Variants in EDEM3 observed in about 807,000 individuals in gnomAD.
EDEM3 encodes ER degradation-enhancing alpha-mannosidase-like protein 3.
A neutral mutation model predicts 110.2 loss-of-function variants in EDEM3; 60 were observed. The observed-to-expected ratio is 0.54, with a 90% CI of 0.44 to 0.67. The LOEUF (loss-of-function observed/expected upper bound fraction) is 0.67. Among genes scored for constraint, EDEM3 ranks in the 30% least tolerant of loss-of-function variants. The probability of loss-of-function intolerance (pLI) is 0.00; values close to 1 mark genes in which losing one functional copy is unlikely to be tolerated. For missense variants in EDEM3, 996 were observed against 1,121.0 expected (o/e 0.89, Z 1.59); for synonymous variants, 352 against 382.9 (o/e 0.92, Z 0.94).
chr1:184,754,742 C>G lies in EDEM3; in HGVS notation c.-96G>C. On this transcript the variant is annotated 5_prime_UTR_variant, in exon 1 of 20. Coordinates refer to ENST00000318130, the MANE Select transcript of EDEM3 (RefSeq NM_025191.4). ...CAGGGGGCTGCTAGCCGTGCCGAGA[C>G]GGGGCGGGATGCGGAGTAACACGGA... The G allele has an allele frequency of 2.1e-6, 3 of 1,418,382 alleles. No homozygotes were observed. The highest frequency in any genetic ancestry group is 2.7e-6 in the Non-Finnish European group (3 of 1,093,298). The allele number at this position is 1,418,382 out of a possible 1,614,324, so 87.9% of individuals were successfully genotyped here.
chr1:184,716,137 T>C (rs890280257), intron 13 of EDEM3, among the ~76,000 whole-genome samples: 1 of 152,154 alleles, frequency 6.6e-6, no homozygotes, highest in Non-Finnish European at 1.5e-5. Context: ...GTTTTAAAAG[T>C]CTGCTTATTG....
At chr1:184,716,453 T>C (rs1334589516) in intron 13 of EDEM3, among the ~76,000 whole-genome samples, 1 of 152,184 alleles carries the variant, frequency 6.6e-6, no homozygotes, top group African/African-American at 2.4e-5. Context: ...TTCCCACTCC[T>C]GCAAGTCAGC....
intron 8 of EDEM3, 129 bp from the exon 9 acceptor site, chr1:184,721,515 T>C (rs1650901469): frequency 3.6e-6 from 2 of 556,910 alleles, no homozygotes; most frequent in East Asian, 6.8e-5. Context: ...CAGTTTAGAT[T>C]TGCCCTGGAA....
intron 19 of EDEM3, among the ~76,000 whole-genome samples, chr1:184,694,843 A>G (rs1214502270): frequency 2.0e-5 from 3 of 152,092 alleles, no homozygotes; most frequent in Admixed American, 6.6e-5. Context: ...AAGCTTATGC[A>G]TAAGAACATA....
At position 184,719,514 on chromosome 1, in the gene EDEM3, G is replaced by C; in HGVS notation, c.1006C>G (p.His336Asp). 5 of 1,614,028 alleles carry C rather than the reference G, an allele frequency of 3.1e-6. No homozygotes were observed. Among genetic ancestry groups the C allele is most frequent in the Non-Finnish European group, 4.2e-6 (5 of 1,179,992 alleles). ...ISQPPLLLDV[H>D]IHKPMLNART... ...GCATTCAGCATTGGTTTGTGGATAT[G>C]CACATCAAGTAGAAGAGGTGGCTGG... Residue 336 changes from histidine to aspartate, a missense_variant, in exon 10 of 20, where the codon CAT becomes GAT. By Grantham distance (81) the His-to-Asp change is moderately conservative (BLOSUM62 -1). Coordinates refer to ENST00000318130, the MANE Select transcript of EDEM3 (RefSeq NM_025191.4).
chr1:184,702,842 T>TGTAG lies in EDEM3; in HGVS notation c.2357_2358insCTAC (p.Glu786AspfsTer7). ...CTTTTGCTTTATCAGAGAGGAGCACTTCTACCTCCTCATATTCCCGGATGG... is the reference window on the plus strand; with the variant it reads ...CTTTTGCTTTATCAGAGAGGAGCACTGTAGTCTACCTCCTCATATTCCCGGATGG... On this transcript the variant is annotated frameshift_variant, in exon 19 of 20. Transcript: ENST00000318130. LOFTEE classifies it high-confidence loss of function. The TGTAG allele has an allele frequency of 1.2e-6, 2 of 1,611,294 alleles. No homozygotes were observed. Among genetic ancestry groups the TGTAG allele is most frequent in the Non-Finnish European group, 1.7e-6 (2 of 1,178,998 alleles).
Position 184,754,586 on chromosome 1 carries a change from G to C in EDEM3, c.61C>G (p.Leu21Val), listed in dbSNP as rs1028624037. The C allele has an allele frequency of 1.2e-5, 19 of 1,611,818 alleles. No individual in the cohort carries two copies. The highest frequency in any genetic ancestry group is 6.7e-5 in the Admixed American group (4 of 59,814). Residue 21 changes from leucine to valine, a missense_variant, in exon 1 of 20, where the codon CTA (leucine) becomes GTA (valine). Leu to Val is a conservative substitution (Grantham distance 32, BLOSUM62 1). Coordinates refer to ENST00000318130, the MANE Select transcript of EDEM3 (RefSeq NM_025191.4). The part of the protein sequence containing the change: ...SPVPQRARWR[L>V]VAATAAFCLV... Reference sequence around the variant, plus strand: ...CAGAACGCGGCCGTCGCCGCCACTAGTCTCCATCGCGCTCGCTGGGGAACC... The same window carrying C: ...CAGAACGCGGCCGTCGCCGCCACTACTCTCCATCGCGCTCGCTGGGGAACC...
At chr1:184,747,713 A>T (rs1315623114) in intron 2 of EDEM3, among the ~76,000 whole-genome samples, 1 of 152,206 alleles carries the variant, frequency 6.6e-6, no homozygotes, top group Non-Finnish European at 1.5e-5. Context: ...TGTAGCAGAA[A>T]GTTACTCAGT....
rs202147564 is a variant in EDEM3, at chr1:184,726,242, G to A, written c.747+13C>T. On this transcript the variant is annotated intron_variant, in intron 7 of 19. Transcript: ENST00000318130. Reference sequence around the variant, plus strand: ...CCCAATACCCAGGATATCAAAGACCGTAAAAAGCAAACCTCAAATATTGTT... The same window carrying A: ...CCCAATACCCAGGATATCAAAGACCATAAAAAGCAAACCTCAAATATTGTT... 3.6e-4 allele frequency: 585 copies of A among 1,611,738 alleles called. 1 individual carries two copies. Among genetic ancestry groups the A allele is most frequent in the Non-Finnish European group, 4.5e-4 (536 of 1,178,640 alleles).
intron 19 of EDEM3, 22 bp from the exon 20 acceptor site, chr1:184,694,494 C>G: frequency 6.5e-7 from 1 of 1,542,560 alleles, no homozygotes; most frequent in Non-Finnish European, 8.7e-7. Flanking sequence ...AGAAACAAAC[C>G]TCATGCTACT....
At chr1:184,748,748 G>T (rs543884965) in intron 2 of EDEM3, among the ~76,000 whole-genome samples, 5 of 152,276 alleles carry the variant, frequency 3.3e-5, no homozygotes, top group African/African-American at 1.2e-4. Flanking sequence ...ATAAAAAATG[G>T]ATTCACAGAA....
chr1:184,737,433 A>C (rs1172587917), intron 3 of EDEM3, among the ~76,000 whole-genome samples, 178 bp downstream of exon 3: 1 of 152,278 alleles, frequency 6.6e-6, no homozygotes, highest in African/African-American at 2.4e-5. Flanking sequence ...TCCAAGATGT[A>C]AACTGATTAA....
intron 3 of EDEM3, 152 bp from the exon 4 acceptor site, chr1:184,737,216 A>C: frequency 3.1e-6 from 2 of 647,076 alleles, no homozygotes. Context: ...TAAGGCTCTG[A>C]AAGAAACTGA....
Position 184,693,818 on chromosome 1 carries a change from T to C in EDEM3, c.*245A>G, listed in dbSNP as rs1385983697. ...TTCCCTGGCCTGAGGTGTTGCAGGG[T>C]GGTGCAGTGCTGCATTTGAAGGGGG... is the stretch of plus-strand genomic sequence containing the variant. On this transcript the variant is annotated 3_prime_UTR_variant, in exon 20 of 20. Transcript: ENST00000318130. 4.8e-6 allele frequency: 2 copies of C among 418,262 alleles called. No homozygotes were observed. Among genetic ancestry groups the C allele is most frequent in the Non-Finnish European group, 8.6e-6 (2 of 232,418 alleles). The allele number at this position is 418,262 out of a possible 1,614,324, so 25.9% of individuals were successfully genotyped here.
intron 13 of EDEM3, among the ~76,000 whole-genome samples, chr1:184,715,884 C>G (rs1054132983): frequency 6.6e-6 from 1 of 152,096 alleles, no homozygotes; most frequent in Non-Finnish European, 1.5e-5. Context: ...GATGGAGATT[C>G]GAAGCCTAAT....
At position 184,692,302 on chromosome 1, in the gene EDEM3, C is replaced by A. The variant is rs1649095401; in HGVS notation, c.*1761G>T. ...TCACATGCAGAGAGACTAAAAATAT[C>A]CATTTTGGTTTCAGGTATAATTAAA... On this transcript the variant is annotated 3_prime_UTR_variant, in exon 20 of 20. Transcript: ENST00000318130. 1 of 152,056 alleles carries A rather than the reference C, an allele frequency of 6.6e-6. No homozygotes were observed. Among genetic ancestry groups the A allele is most frequent in the African/African-American group, 2.4e-5 (1 of 41,416 alleles). 9.4% of individuals were successfully genotyped at this position (152,056 alleles called of 1,614,324 possible).
In EDEM3 at chr1:184,749,595, AAT is replaced by A; in HGVS notation, c.159-5_159-4del. 6.5e-7 allele frequency: 1 copy of A among 1,546,256 alleles called. No individual in the cohort carries two copies. The highest frequency in any genetic ancestry group is 8.8e-7 in the Non-Finnish European group (1 of 1,142,616). ...CAAACATTTCCAGTACTTGATTCCT[AAT>A]TTTAAAAGAGCAGAAATGGAAAAAA... On this transcript the variant is annotated splice_region_variant and splice_polypyrimidine_tract_variant and intron_variant, in intron 1 of 19. Transcript: ENST00000318130.
rs1235013218 is a variant in EDEM3, at chr1:184,691,561, C to T, written c.*2502G>A. 6.6e-6 allele frequency: 1 copy of T among 151,826 alleles called. No individual in the cohort carries two copies. Among genetic ancestry groups the T allele is most frequent in the Non-Finnish European group, 1.5e-5 (1 of 67,818 alleles). The allele number at this position is 151,826 out of a possible 1,614,324, so 9.4% of individuals were successfully genotyped here. ...TTCTAAATTCGGGGTTTCATAGAAT[C>T]CCCTGAATCTTTAGCAAGTTACTAA... On this transcript the variant is annotated 3_prime_UTR_variant, in exon 20 of 20. Transcript: ENST00000318130.
Position 184,690,919 on chromosome 1 carries a change from T to C in EDEM3, c.*3144A>G, listed in dbSNP as rs1349167516. ...GTATTTGAATTACTTATGCTGAGCT[T>C]TCTTCATGATGAATTTGGCATGGGG... On this transcript the variant is annotated 3_prime_UTR_variant, in exon 20 of 20. Coordinates refer to ENST00000318130, the MANE Select transcript of EDEM3 (RefSeq NM_025191.4). The C allele has an allele frequency of 6.6e-6, 1 of 152,424 alleles. No individual in the cohort carries two copies. The highest frequency in any genetic ancestry group is 2.4e-5 in the African/African-American group (1 of 41,450). 9.4% of individuals were successfully genotyped at this position (152,424 alleles called of 1,614,324 possible). A position where few individuals can be genotyped will look rare whatever the true frequency, so the allele number is the denominator to read the frequency against.
Sources: allele counts gnomAD v4.1 joint callset (sites outside exome capture counted in the v4.1 genomes callset), GRCh38; gene constraint gnomAD v4.1.1; transcripts MANE v1.5; gene names NCBI Gene and HGNC (gene_info 2026-07-23, HGNC 2026-07-21).